Variants in RECK observed in about 807,000 individuals in gnomAD.
RECK encodes reversion-inducing cysteine-rich protein with Kazal motifs.
RECK carries 69 observed loss-of-function variants against 115.1 expected under a neutral mutation model. The ratio of observed to expected loss-of-function variants is 0.60; its 90% CI spans 0.49 to 0.73. The LOEUF (loss-of-function observed/expected upper bound fraction) is 0.73, where lower values mean the gene tolerates loss of function less well. Ranked by LOEUF, RECK falls within the 30% of genes least tolerant of loss-of-function variation. The pLI, the probability that RECK is intolerant of heterozygous loss-of-function variation, is 0.00. For missense variants in RECK, 1,047 were observed against 1,203.7 expected (o/e 0.87, Z 1.93); for synonymous variants, 414 against 419.7 (o/e 0.99, Z 0.17).
chr9:36,038,002 T>TAA (rs370999682), intron 1 of RECK, among the ~76,000 whole-genome samples: 2,043 of 112,448 alleles, frequency 0.018, 38 homozygotes, highest in East Asian at 0.061. Flanking sequence ...AGAGACACCT[T>TAA]AAAAAAAAAA....
chr9:36,054,961 T>C (rs962495365), intron 2 of RECK, among the ~76,000 whole-genome samples: 1 of 152,148 alleles, frequency 6.6e-6, no homozygotes, highest in African/African-American at 2.4e-5. Context: ...AGTTTCAAGA[T>C]GGAAGGTTTT....
intron 1 of RECK, 110 bp downstream of exon 1, chr9:36,037,208 C>A: frequency 3.0e-6 from 2 of 659,636 alleles, no homozygotes; most frequent in Non-Finnish European, 4.2e-6. Flanking sequence ...AGACCCTGCC[C>A]ACGTCCGGCG....
intron 1 of RECK, among the ~76,000 whole-genome samples, chr9:36,051,790 T>C (rs1474329591): frequency 2.0e-5 from 3 of 152,232 alleles, no homozygotes; most frequent in Non-Finnish European, 4.4e-5. Flanking sequence ...TGGCTTTACC[T>C]GCACTCCAGG....
At chr9:36,045,463 T>C (rs891923376) in intron 1 of RECK, among the ~76,000 whole-genome samples, 15 of 152,132 alleles carry the variant, frequency 9.9e-5, no homozygotes, top group African/African-American at 1.9e-4. Context: ...TTTTTTCTCC[T>C]GAAGTGTGTA....
chr9:36,038,639 T>C lies in RECK; in HGVS notation c.100+1541T>C, dbSNP rs114184772. 3.1e-3 allele frequency among the ~76,000 whole-genome samples: 468 copies of C among 152,316 alleles called. 4 individuals carry two copies. The highest frequency in any genetic ancestry group is 0.011 in the African/African-American group (448 of 41,572). ...AAATGGTACCTCACAGATTTTATTA[T>C]GAGAATCGAGGTAATACATGTCCAG... is the stretch of plus-strand genomic sequence containing the variant. On this transcript the variant is annotated intron_variant, in intron 1 of 20. Coordinates refer to ENST00000377966, the MANE Select transcript of RECK (RefSeq NM_021111.3).
intron 1 of RECK, 115 bp downstream of exon 1, chr9:36,037,213 C>A: frequency 1.6e-6 from 1 of 606,870 alleles, no homozygotes; most frequent in Non-Finnish European, 2.4e-6. Flanking sequence ...CTGCCCACGT[C>A]CGGCGACCCC....
chr9:36,056,513 G>A (rs1429672504), intron 2 of RECK, among the ~76,000 whole-genome samples: 4 of 151,956 alleles, frequency 2.6e-5, no homozygotes, highest in South Asian at 2.1e-4. Flanking sequence ...CCCTGGTGTC[G>A]TTTAACATTT....
At chr9:36,071,130 GA>G (rs1822213424) in intron 6 of RECK, among the ~76,000 whole-genome samples, 1 of 152,188 alleles carries the variant, frequency 6.6e-6, no homozygotes, top group African/African-American at 2.4e-5. Context: ...TGGCTGATTA[GA>G]ACTAAAGGAA....
In RECK at chr9:36,091,331, A is replaced by G; in HGVS notation, c.1073A>G (p.Asn358Ser). The stretch of plus-strand genomic sequence containing the variant: ...TGTAGAAACCTTACTTACTGTACTA[A>G]TTTTAACAACAGGTAAGACAAATTA... ...LGCRNLTYCTNFNNRPTELFR... is the reference protein window; with the variant it reads ...LGCRNLTYCTSFNNRPTELFR... Residue 358 changes from asparagine to serine, a missense_variant, in exon 10 of 21, where the codon AAT becomes AGT. By Grantham distance (46) the Asn-to-Ser change is conservative. Coordinates refer to ENST00000377966, the MANE Select transcript of RECK (RefSeq NM_021111.3). The G allele has an allele frequency of 6.5e-7, 1 of 1,539,910 alleles. No homozygotes were observed. The highest frequency in any genetic ancestry group is 1.7e-4 in the Middle Eastern group (1 of 5,784).
chr9:36,066,802 CTT>C, intron 6 of RECK: 1 of 1,288,892 alleles, frequency 7.8e-7, no homozygotes, highest in Non-Finnish European at 1.0e-6. Context: ...GCTTCCTTCT[CTT>C]GTCTGGATTT....
At chr9:36,066,959 C>A in intron 6 of RECK, 1 of 826,882 alleles carries the variant, frequency 1.2e-6, no homozygotes, top group South Asian at 1.5e-5. Flanking sequence ...TAGAATTAAG[C>A]AACCATTTTC....
At chr9:36,120,955 T>C (rs1239688797) in intron 19 of RECK, among the ~76,000 whole-genome samples, 1 of 152,226 alleles carries the variant, frequency 6.6e-6, no homozygotes, top group East Asian at 1.9e-4. Context: ...ACCCTGGCTG[T>C]GCACATCACA....
rs563982928 is a variant in RECK at position 36,076,829 on chromosome 9, A to G, written c.406-3776A>G. On this transcript the variant is annotated intron_variant, in intron 6 of 20. Transcript: ENST00000377966. ...GATTTTAAAAATAGGGGACTGGTTA[A>G]ATAGATTACTCTGTGAACAAACATT... 6.6e-5 allele frequency among the ~76,000 whole-genome samples: 10 copies of G among 152,342 alleles called. No homozygotes were observed. The South Asian group carries it at 2.1e-3, about 32-fold the overall frequency.
chr9:36,086,531 G>C (rs1468120066), intron 8 of RECK, among the ~76,000 whole-genome samples: 1 of 152,194 alleles, frequency 6.6e-6, no homozygotes, highest in African/African-American at 2.4e-5. Context: ...ATTGTGAAGA[G>C]TGAAAGAACA....
rs1461957084 is a variant in RECK, at chr9:36,073,231, GACACACACAGAC to G, written c.406-7364_406-7353del. Reference sequence around the variant, plus strand: ...AAACAGCAACACACAGACACACACAGACACACACAGACACACACACACACACACACACACACA... The same window carrying G: ...AAACAGCAACACACAGACACACACAGACACACACACACACACACACACACA... On this transcript the variant is annotated intron_variant, in intron 6 of 20. Coordinates refer to ENST00000377966, the MANE Select transcript of RECK (RefSeq NM_021111.3). 3.9e-3 allele frequency among the ~76,000 whole-genome samples: 374 copies of G among 94,974 alleles called. 3 individuals are homozygous for G. Among genetic ancestry groups the G allele is most frequent in the African/African-American group, 9.1e-3 (234 of 25,682 alleles). 62.3% of individuals were successfully genotyped at this position (94,974 alleles called of 152,430 possible). A position where few individuals can be genotyped will look rare whatever the true frequency, so the allele number is the denominator to read the frequency against.
chr9:36,052,414 C>T (rs985382558), intron 2 of RECK, 91 bp downstream of exon 2: 19 of 910,296 alleles, frequency 2.1e-5, no homozygotes, highest in Non-Finnish European at 2.5e-5. Flanking sequence ...GGGAGGATTG[C>T]TTAAGGCCAG....
In RECK at chr9:36,083,294, C is replaced by T. The variant is rs75857262; in HGVS notation, c.440-71C>T. 2.4e-5 allele frequency: 35 copies of T among 1,433,598 alleles called. No individual in the cohort carries two copies. The African/African-American group carries it at 4.7e-4, about 19-fold the overall frequency. The allele number at this position is 1,433,598 out of a possible 1,614,324, so 88.8% of individuals were successfully genotyped here. A position where few individuals can be genotyped will look rare whatever the true frequency, so the allele number is the denominator to read the frequency against. On this transcript the variant is annotated intron_variant, in intron 7 of 20. Coordinates refer to ENST00000377966, the MANE Select transcript of RECK (RefSeq NM_021111.3). ...AATTTAGAAAGACATATTGTTCCATCATTATGATGATGATTTAATGTTAAC... is the reference window on the plus strand; with the variant it reads ...AATTTAGAAAGACATATTGTTCCATTATTATGATGATGATTTAATGTTAAC...
chr9:36,058,818 G>A lies in RECK; in HGVS notation c.160-9G>A. ...ATGCCACAAAAACTTTTTTTTTTTT[G>A]TCAAATAGATTTTCTCCTCAAAAAG... On this transcript the variant is annotated splice_polypyrimidine_tract_variant and intron_variant, in intron 2 of 20. Coordinates refer to ENST00000377966, the MANE Select transcript of RECK (RefSeq NM_021111.3). 1.4e-6 allele frequency: 2 copies of A among 1,417,392 alleles called. No individual in the cohort carries two copies. The highest frequency in any genetic ancestry group is 2.2e-4 in the Middle Eastern group (1 of 4,534). 87.8% of individuals were successfully genotyped at this position (1,417,392 alleles called of 1,614,324 possible).
intron 1 of RECK, among the ~76,000 whole-genome samples, chr9:36,048,416 C>G (rs1821157312): frequency 6.6e-6 from 1 of 151,976 alleles, no homozygotes; most frequent in African/African-American, 2.4e-5. Context: ...ATTTCTTTCT[C>G]TAAGTTGATG....
Sources: allele counts gnomAD v4.1 joint callset (sites outside exome capture counted in the v4.1 genomes callset), GRCh38; gene constraint gnomAD v4.1.1; transcripts MANE v1.5; gene names NCBI Gene and HGNC (gene_info 2026-07-23, HGNC 2026-07-21).